Variants in NRXN3 observed in about 807,000 individuals in gnomAD.
The protein encoded by NRXN3 is neurexin 3.
Under a neutral mutation model 137.6 loss-of-function variants are expected in NRXN3, and 32 were observed. The ratio of observed to expected loss-of-function variants is 0.23; its 90% CI spans 0.18 to 0.31. NRXN3 has a LOEUF of 0.31. Among genes scored for constraint, NRXN3 ranks in the 10% least tolerant of loss-of-function variants. NRXN3 has a pLI of 1.00. For synonymous variants in NRXN3, 798 were observed against 784.5 expected, an observed-to-expected ratio of 1.02 and a Z score of -0.29; for missense variants, 1,574 against 2,062.5, an observed-to-expected ratio of 0.76 and a Z score of 4.59.
intron 4 of NRXN3, among the ~76,000 whole-genome samples, chr14:78,348,752 C>T (rs2083085380): frequency 6.6e-6 from 1 of 152,186 alleles, no homozygotes; most frequent in East Asian, 1.9e-4. Flanking sequence ...GCGGAATCCA[C>T]CTCTCTGTGT....
At chr14:78,813,949 A>G (rs1054496591) in intron 10 of NRXN3, among the ~76,000 whole-genome samples, 2 of 152,216 alleles carry the variant, frequency 1.3e-5, no homozygotes, top group Non-Finnish European at 2.9e-5. Context: ...GCAATTTTCT[A>G]ATCAGCTCTT....
At chr14:79,615,695 C>T (rs1031801505) in intron 16 of NRXN3, among the ~76,000 whole-genome samples, 1 of 152,028 alleles carries the variant, frequency 6.6e-6, no homozygotes, top group Non-Finnish European at 1.5e-5. Flanking sequence ...GGGGGAAAAG[C>T]CCCGTATAGA....
At chr14:78,339,382 C>T (rs1219270369) in intron 4 of NRXN3, among the ~76,000 whole-genome samples, 1 of 152,140 alleles carries the variant, frequency 6.6e-6, no homozygotes, top group African/African-American at 2.4e-5. Context: ...GCCTGATGTC[C>T]ACATCATTCC....
At chr14:78,943,635 T>A (rs867793259) in intron 10 of NRXN3, among the ~76,000 whole-genome samples, 371 of 27,264 alleles carry the variant, frequency 0.014, 30 homozygotes, top group African/African-American at 0.11. Flanking sequence ...TATATATATA[T>A]ATATATATAT....
intron 16 of NRXN3, among the ~76,000 whole-genome samples, chr14:79,507,061 C>T (rs1269908430): frequency 6.6e-6 from 1 of 152,170 alleles, no homozygotes; most frequent in Admixed American, 6.6e-5. Context: ...CTCTAATAGA[C>T]AGAGTCACAT....
chr14:79,495,120 A>G (rs1414569341), intron 16 of NRXN3, among the ~76,000 whole-genome samples: 3 of 152,184 alleles, frequency 2.0e-5, no homozygotes, highest in African/African-American at 7.2e-5. Flanking sequence ...CTGCAAGCAG[A>G]CACAGTAGTC....
chr14:78,190,336 A>G (rs541502104), intron 1 of NRXN3, among the ~76,000 whole-genome samples: 3 of 152,330 alleles, frequency 2.0e-5, no homozygotes, highest in South Asian at 2.1e-4. Flanking sequence ...ACAAACTAGA[A>G]AACAACAAAA....
chr14:79,260,469 G>T (rs1220373364), intron 15 of NRXN3, among the ~76,000 whole-genome samples: 3 of 152,130 alleles, frequency 2.0e-5, no homozygotes, highest in African/African-American at 7.2e-5. Flanking sequence ...GCTTGTGTTG[G>T]GGAGTACTTT....
intron 16 of NRXN3, among the ~76,000 whole-genome samples, chr14:79,647,634 T>G (rs2098458420): frequency 7.4e-6 from 1 of 135,614 alleles, no homozygotes; most frequent in Admixed American, 7.8e-5. Flanking sequence ...TTATGAAAAG[T>G]GCATTAAAAC....
chr14:79,513,808 G>A (rs1178399785), intron 16 of NRXN3, among the ~76,000 whole-genome samples: 15 of 152,162 alleles, frequency 9.9e-5, no homozygotes, highest in African/African-American at 3.6e-4. Context: ...TCATAGGACT[G>A]TGAGCACAAA....
At chr14:79,822,098 A>G (rs1402025948) in intron 20 of NRXN3, among the ~76,000 whole-genome samples, 1 of 152,148 alleles carries the variant, frequency 6.6e-6, no homozygotes, top group Non-Finnish European at 1.5e-5. Flanking sequence ...CACAAAGGGA[A>G]CTAAGAGATT....
intron 4 of NRXN3, among the ~76,000 whole-genome samples, chr14:78,328,554 A>G (rs1213371663): frequency 6.6e-6 from 1 of 152,230 alleles, no homozygotes; most frequent in Non-Finnish European, 1.5e-5. Flanking sequence ...AAAGACAACT[A>G]TCCAATTGAA....
At chr14:78,409,386 C>T (rs1313943898) in intron 4 of NRXN3, among the ~76,000 whole-genome samples, 2 of 152,168 alleles carry the variant, frequency 1.3e-5, no homozygotes, top group African/African-American at 4.8e-5. Context: ...TTAACATGTA[C>T]AAGGCACTAT....
At chr14:79,687,125 T>A (rs1279048407) in intron 17 of NRXN3, among the ~76,000 whole-genome samples, 1 of 152,200 alleles carries the variant, frequency 6.6e-6, no homozygotes, top group East Asian at 1.9e-4. Flanking sequence ...CCCAAAGGTG[T>A]GTAGTGAGGA....
chr14:79,709,652 T>G (rs1318577160), intron 19 of NRXN3, among the ~76,000 whole-genome samples: 1 of 152,058 alleles, frequency 6.6e-6, no homozygotes, highest in Non-Finnish European at 1.5e-5. Context: ...CTGCTCTGCC[T>G]CTCCACTTTC....
At position 79,264,570 on chromosome 14, in the gene NRXN3, G is replaced by A. The variant is rs144294480; in HGVS notation, c.3263-202651G>A. On this transcript the variant is annotated intron_variant, in intron 15 of 20. Coordinates refer to ENST00000335750, the MANE Select transcript of NRXN3 (RefSeq NM_001330195.2). ...TGTGTGTGTGTGTGCGCGCGTGCAT[G>A]TATGTCCCCAAACTCCGAGTGTTTC... 1.1e-4 allele frequency among the ~76,000 whole-genome samples: 16 copies of A among 151,582 alleles called. No homozygotes were observed. The East Asian group carries it at 2.9e-3, about 28-fold the overall frequency.
intron 19 of NRXN3, among the ~76,000 whole-genome samples, chr14:79,737,040 A>T (rs1331128918): frequency 6.6e-6 from 1 of 152,214 alleles, no homozygotes; most frequent in South Asian, 2.1e-4. Context: ...AAGCATCCAG[A>T]TGTTCACAAC....
rs182224319 is a variant in NRXN3 at position 78,994,004 on chromosome 14, A to C, written c.3262+5863A>C. 2.3e-3 allele frequency among the ~76,000 whole-genome samples: 355 copies of C among 151,494 alleles called. 2 individuals are homozygous for C. Among genetic ancestry groups the C allele is most frequent in the African/African-American group, 7.8e-3 (321 of 41,390 alleles). Reference sequence around the variant, plus strand: ...AGCTGGGATTACAGGTGTGTGCCACACACCACGTCCAGCTAATTTTTGTAT... The same window carrying C: ...AGCTGGGATTACAGGTGTGTGCCACCCACCACGTCCAGCTAATTTTTGTAT... On this transcript the variant is annotated intron_variant, in intron 15 of 20. Coordinates refer to ENST00000335750, the MANE Select transcript of NRXN3 (RefSeq NM_001330195.2).
intron 10 of NRXN3, among the ~76,000 whole-genome samples, chr14:78,830,369 A>C (rs1293963269): frequency 6.6e-6 from 1 of 152,136 alleles, no homozygotes; most frequent in East Asian, 1.9e-4. Context: ...TTTTGTTACA[A>C]ATTCTCAATT....
Sources: gnomAD v4.1 joint callset for allele counts (sites outside exome capture counted in the v4.1 genomes callset) on GRCh38, gnomAD v4.1.1 for gene constraint, MANE v1.5 for transcripts, NCBI Gene and HGNC (gene_info 2026-07-23, HGNC 2026-07-21) for gene names.